PLEKHA6: variants seen among roughly 807,000 people sequenced by gnomAD.
PLEKHA6 encodes the protein pleckstrin homology domain containing A6, also known as pleckstrin homology domain-containing family A member 6.
Under a neutral mutation model 116.7 loss-of-function variants are expected in PLEKHA6, and 60 were observed. That is an observed-to-expected ratio of 0.51 (90% CI 0.42 to 0.64). PLEKHA6 has a LOEUF of 0.64. Ranked by LOEUF, PLEKHA6 falls within the 30% of genes least tolerant of loss-of-function variation. The probability of loss-of-function intolerance (pLI) is 0.00; values close to 1 mark genes in which losing one functional copy is unlikely to be tolerated. For missense variants in PLEKHA6, 1,338 were observed against 1,422.7 expected, an observed-to-expected ratio of 0.94 and a Z score of 0.96; for synonymous variants, 489 against 556.1, an observed-to-expected ratio of 0.88 and a Z score of 1.70.
intron 1 of PLEKHA6, chr1:204,282,706 G>A (rs1668754107): frequency 1.0e-5 from 10 of 985,252 alleles, no homozygotes; most frequent in South Asian, 9.4e-5. Flanking sequence ...GCCATGGGCA[G>A]GCTGGGAGAC....
At chr1:204,300,920 A>C (rs767902137) in intron 1 of PLEKHA6, among the ~76,000 whole-genome samples, 15 of 152,236 alleles carry the variant, frequency 9.9e-5, no homozygotes, top group Non-Finnish European at 2.1e-4. Context: ...TCTGAACTGA[A>C]AGTTTTGTCC....
intron 1 of PLEKHA6, among the ~76,000 whole-genome samples, chr1:204,305,705 A>G (rs1471791818): frequency 2.0e-5 from 3 of 152,228 alleles, no homozygotes; most frequent in Non-Finnish European, 4.4e-5. Flanking sequence ...TCTACCAACT[A>G]CATAAAGATG....
intron 1 of PLEKHA6, among the ~76,000 whole-genome samples, chr1:204,342,580 T>TG (rs1166344182): frequency 6.6e-6 from 1 of 152,236 alleles, no homozygotes; most frequent in Non-Finnish European, 1.5e-5. Context: ...TTCAGCATGT[T>TG]GGGGTGAGGC....
rs770097581 is a variant in PLEKHA6, at chr1:204,257,700, G to C, written c.1177C>G (p.Arg393Gly). The change falls in exon 9 of 23, where the codon CGC (arginine) becomes GGC (glycine). Residue 393 changes from arginine (R) to glycine (G), a missense_variant. By Grantham distance (125) the Arg-to-Gly change is moderately radical. Transcript: ENST00000272203. This position sits in a 1 kb window ranked among gnomAD's most constrained non-coding sequence, Gnocchi z 6.5. The part of the protein sequence containing the change: ...ISPPWALEDK[R>G]HAFRNGGGPA... ...CCACCCCCATTGCGGAAGGCATGGC[G>C]CTTGTCCTCCAGGGCCCAGGGCGGG... is the stretch of plus-strand genomic sequence containing the variant. 1.2e-6 allele frequency: 2 copies of C among 1,612,062 alleles called. No homozygotes were observed. The highest frequency in any genetic ancestry group is 1.7e-6 in the Non-Finnish European group (2 of 1,179,238).
rs777396593 is a variant in PLEKHA6 at position 204,268,225 on chromosome 1, C to A, written c.190G>T (p.Gly64Cys). The A allele has an allele frequency of 1.2e-6, 2 of 1,611,430 alleles. No homozygotes were observed. Among genetic ancestry groups the A allele is most frequent in the Non-Finnish European group, 1.7e-6 (2 of 1,178,806 alleles). Residue 64 changes from glycine (G) to cysteine (C), a missense_variant, in exon 4 of 23, where the codon GGC becomes TGC. Physicochemically the swap from Gly to Cys is radical, Grantham distance 159. This residue lies in a region of PLEKHA6 where 140 missense variants were observed against 197.4 expected (regional missense o/e 0.71). Coordinates refer to ENST00000272203, the MANE Select transcript of PLEKHA6 (RefSeq NM_014935.5). ...GGCCTCACCTGTTTGAAGAGCCAGC[C>A]CGCCTTGGTGACAGGTGCATTGGGG... ...RNPNAPVTKA[G>C]WLFKQASSGV...
chr1:204,375,671 G>A (rs999005562), intron 1 of PLEKHA6, among the ~76,000 whole-genome samples: 2 of 151,980 alleles, frequency 1.3e-5, no homozygotes, highest in African/African-American at 4.8e-5. Context: ...ACACAGACTC[G>A]ATGATGTCAA....
At chr1:204,340,209 G>T (rs1672795892) in intron 1 of PLEKHA6, among the ~76,000 whole-genome samples, 1 of 152,126 alleles carries the variant, frequency 6.6e-6, no homozygotes, top group African/African-American at 2.4e-5. Flanking sequence ...GAGTGGGAGG[G>T]GGGTGTGTTA....
At chr1:204,299,760 G>T in intron 1 of PLEKHA6, 1 of 335,992 alleles carries the variant, frequency 3.0e-6, no homozygotes, top group Non-Finnish European at 4.2e-6. Flanking sequence ...ATGAGCTAAT[G>T]TCCCCTTTAA....
chr1:204,286,222 G>T (rs1027613826), intron 1 of PLEKHA6, among the ~76,000 whole-genome samples: 1 of 152,160 alleles, frequency 6.6e-6, no homozygotes, highest in Admixed American at 6.5e-5. Flanking sequence ...GAACGGAAGA[G>T]GTGCTCCTAG....
At chr1:204,348,714 A>ACCCCCCCCCCCCCCCCCCCCC (rs3038282) in intron 1 of PLEKHA6, among the ~76,000 whole-genome samples, 3 of 136,640 alleles carry the variant, frequency 2.2e-5, no homozygotes, top group Non-Finnish European at 3.1e-5. Context: ...CAGGTGCCAA[A>ACCCCCCCCCCCCCCCCCCCCC]CCCCCCCCCC....
chr1:204,228,360 G>A lies in PLEKHA6; in HGVS notation c.2886-132C>T. 1.1e-6 allele frequency: 1 copy of A among 891,846 alleles called. No individual in the cohort carries two copies. The highest frequency in any genetic ancestry group is 1.7e-6 in the Non-Finnish European group (1 of 579,868). The allele number at this position is 891,846 out of a possible 1,614,324, so 55.2% of individuals were successfully genotyped here. ...TGTGCAGTCTCTGGTTCCCAGCAAGGCTGTCCCTAGGAGTGAGTGGGACCC... is the reference window on the plus strand; with the variant it reads ...TGTGCAGTCTCTGGTTCCCAGCAAGACTGTCCCTAGGAGTGAGTGGGACCC... On this transcript the variant is annotated intron_variant, in intron 20 of 22. Coordinates refer to ENST00000272203, the MANE Select transcript of PLEKHA6 (RefSeq NM_014935.5). This position sits in a 1 kb window ranked among gnomAD's most constrained non-coding sequence, Gnocchi z 4.0.
At chr1:204,301,469 C>T in intron 1 of PLEKHA6, 1 of 985,438 alleles carries the variant, frequency 1.0e-6, no homozygotes, top group Non-Finnish European at 1.2e-6. Flanking sequence ...CAGGTATAGA[C>T]ATGCCCACAG....
chr1:204,247,588 G>A (rs578022827), intron 12 of PLEKHA6, 128 bp from the exon 13 acceptor site: 5 of 603,210 alleles, frequency 8.3e-6, no homozygotes, highest in Admixed American at 2.6e-5. Context: ...TGGAGGGACC[G>A]AAGGAGAGGG....
chr1:204,297,767 C>G, intron 1 of PLEKHA6: 2 of 409,058 alleles, frequency 4.9e-6, no homozygotes, highest in South Asian at 2.0e-4. Context: ...AACATCGGAA[C>G]TGAAATTCAG....
At chr1:204,250,985 G>T (rs12080177) in intron 9 of PLEKHA6, among the ~76,000 whole-genome samples, 3,061 of 152,268 alleles carry the variant, frequency 0.02, 106 homozygotes, top group African/African-American at 0.07. Flanking sequence ...CTGTCTGTGG[G>T]GTTAAGACAT....
In PLEKHA6 at chr1:204,228,360, G is replaced by C. The variant is rs1407145668; in HGVS notation, c.2886-132C>G. 7 of 891,728 alleles carry C rather than the reference G, an allele frequency of 7.8e-6. No homozygotes were observed. Among genetic ancestry groups the C allele is most frequent in the Non-Finnish European group, 1.7e-6 (1 of 579,876 alleles). The allele number at this position is 891,728 out of a possible 1,614,324, so 55.2% of individuals were successfully genotyped here. On this transcript the variant is annotated intron_variant, in intron 20 of 22. Coordinates refer to ENST00000272203, the MANE Select transcript of PLEKHA6 (RefSeq NM_014935.5). The surrounding 1 kb of genome is among the most constrained non-coding windows in gnomAD (Gnocchi z 4.0). ...TGTGCAGTCTCTGGTTCCCAGCAAG[G>C]CTGTCCCTAGGAGTGAGTGGGACCC... is the stretch of plus-strand genomic sequence containing the variant.
intron 1 of PLEKHA6, among the ~76,000 whole-genome samples, chr1:204,344,617 A>G (rs1286190983): frequency 6.8e-6 from 1 of 147,756 alleles, no homozygotes; most frequent in Non-Finnish European, 1.5e-5. Flanking sequence ...AAAAAAAAAA[A>G]GAAATATTTA....
intron 1 of PLEKHA6, among the ~76,000 whole-genome samples, chr1:204,337,726 A>G (rs960754554): frequency 3.3e-5 from 5 of 151,992 alleles, no homozygotes; most frequent in Non-Finnish European, 7.3e-5. Flanking sequence ...TGGGGGGGGA[A>G]TCCAGGGAAA....
Position 204,219,241 on chromosome 1 carries a change from G to GTA in PLEKHA6, c.*3545_*3546dup, listed in dbSNP as rs138599445. The GTA allele has an allele frequency of 0.041, 5,865 of 143,388 alleles. 119 individuals carry two copies. Among genetic ancestry groups the GTA allele is most frequent in the Middle Eastern group, 0.058 (16 of 274 alleles). The allele number at this position is 143,388 out of a possible 1,614,324, so 8.9% of individuals were successfully genotyped here. A position where few individuals can be genotyped will look rare whatever the true frequency, so the allele number is the denominator to read the frequency against. ...TATACGTGTGTGTGTGTGTGTGTGTGTATATATATATATATATATAATGTG... is the reference window on the plus strand; with the variant it reads ...TATACGTGTGTGTGTGTGTGTGTGTGTATATATATATATATATATATAATGTG... On this transcript the variant is annotated 3_prime_UTR_variant, in exon 23 of 23. Transcript: ENST00000272203.
Sources: gnomAD v4.1 joint callset for allele counts (sites outside exome capture counted in the v4.1 genomes callset) on GRCh38, gnomAD v4.1.1 for gene constraint, gnomAD v4.1.1 regional missense constraint, Gnocchi (gnomAD v3.1) non-coding constraint, MANE v1.5 for transcripts, NCBI Gene and HGNC (gene_info 2026-07-23, HGNC 2026-07-21) for gene names.